The following PCDHA12 variants were observed in gnomAD, a reference collection of about 807,000 sequenced individuals.
The protein encoded by PCDHA12 is protocadherin alpha-12.
In PCDHA12, 44 loss-of-function variants were observed where a neutral mutation model predicts 60.0. The observed-to-expected ratio is 0.73, with a 90% CI of 0.58 to 0.94. The LOEUF (loss-of-function observed/expected upper bound fraction) is 0.94. Ranked by LOEUF, PCDHA12 falls within the 40% of genes least tolerant of loss-of-function variation. PCDHA12 has a pLI of 0.00. For missense variants in PCDHA12, 1,276 were observed against 1,239.7 expected, an observed-to-expected ratio of 1.03 and a Z score of -0.44; for synonymous variants, 569 against 553.0, an observed-to-expected ratio of 1.03 and a Z score of -0.40.
chr5:140,988,900 G>A (rs2097319351), intron 3 of PCDHA12: 1 of 152,194 alleles, frequency 6.6e-6, no homozygotes, highest in Admixed American at 6.5e-5. Context: ...ACATTTTAGA[G>A]GGTGTAGTGA....
At chr5:140,883,897 G>A in intron 1 of PCDHA12, 1 of 1,613,332 alleles carries the variant, frequency 6.2e-7, no homozygotes, top group Non-Finnish European at 8.5e-7. Flanking sequence ...CTGGCGTGCC[G>A]CCTCTGGGCA....
intron 1 of PCDHA12, among the ~76,000 whole-genome samples, chr5:140,896,760 T>C (rs562641955): frequency 1.3e-5 from 2 of 152,340 alleles, no homozygotes; most frequent in East Asian, 3.9e-4. Flanking sequence ...ATTAGACCTT[T>C]GTTGGATGCA....
At chr5:141,000,412 TATA>T (rs2097919742) in intron 3 of PCDHA12, among the ~76,000 whole-genome samples, 3 of 102,806 alleles carry the variant, frequency 2.9e-5, no homozygotes, top group African/African-American at 7.7e-5. Flanking sequence ...TATATATATA[TATA>T]TATATATTTT....
At chr5:140,982,688 ATACATACATGATTTCCT>A in intron 3 of PCDHA12, 125 bp downstream of exon 3, 1 of 1,415,764 alleles carries the variant, frequency 7.1e-7, no homozygotes, top group African/African-American at 1.4e-5. Flanking sequence ...CCTTTTTTCC[ATACATACATGATTTCCT>A]TACATATATG....
chr5:141,000,737 G>A (rs1449947824), intron 3 of PCDHA12, among the ~76,000 whole-genome samples: 21 of 149,738 alleles, frequency 1.4e-4, no homozygotes, highest in African/African-American at 5.0e-4. Context: ...CCCTATCTCT[G>A]TATATTAAAA....
intron 1 of PCDHA12, chr5:140,928,289 G>C (rs1554205708): frequency 6.2e-7 from 1 of 1,614,170 alleles, no homozygotes; most frequent in Non-Finnish European, 8.5e-7. Flanking sequence ...TCTCTAGGCC[G>C]AGTGTTTGCC....
chr5:141,007,395 C>CAAAAAAAAAAAAAAAAAAAAAAAAAAA (rs35800918), intron 3 of PCDHA12, among the ~76,000 whole-genome samples: 1 of 94,866 alleles, frequency 1.1e-5, no homozygotes, highest in Non-Finnish European at 2.1e-5. Context: ...TACTAAAATA[C>CAAAAAAAAAAAAAAAAAAAAAAAAAAA]AAAAAAAAAA....
intron 3 of PCDHA12, among the ~76,000 whole-genome samples, chr5:140,997,288 T>C (rs1554255825): frequency 1.3e-5 from 2 of 152,222 alleles, no homozygotes; most frequent in African/African-American, 4.8e-5. Context: ...CACTTAACAA[T>C]GGGGATACAC....
chr5:140,990,694 C>T (rs549554926), intron 3 of PCDHA12, among the ~76,000 whole-genome samples: 10 of 152,108 alleles, frequency 6.6e-5, no homozygotes, highest in Non-Finnish European at 1.5e-4. Context: ...TCGGAGAGTC[C>T]AGATTTATGG....
chr5:140,943,605 CTT>C (rs1232110768), intron 1 of PCDHA12, among the ~76,000 whole-genome samples: 5 of 152,064 alleles, frequency 3.3e-5, no homozygotes, highest in African/African-American at 1.2e-4. Context: ...TAAATATAGA[CTT>C]TGATTCATCT....
At chr5:140,965,951 T>C (rs1484541931) in intron 1 of PCDHA12, among the ~76,000 whole-genome samples, 3 of 152,172 alleles carry the variant, frequency 2.0e-5, no homozygotes, top group East Asian at 1.9e-4. Flanking sequence ...GCATTTGCCA[T>C]CCCCCTCCTT....
At chr5:140,905,627 G>A (rs1233983487) in intron 1 of PCDHA12, among the ~76,000 whole-genome samples, 1 of 152,150 alleles carries the variant, frequency 6.6e-6, no homozygotes, top group African/African-American at 2.4e-5. Context: ...GCTTTTGACA[G>A]TATGGTCAGT....
chr5:140,890,836 C>A (rs1189670490), intron 1 of PCDHA12, among the ~76,000 whole-genome samples: 1 of 151,884 alleles, frequency 6.6e-6, no homozygotes, highest in Admixed American at 6.6e-5. Flanking sequence ...ACATATTTAC[C>A]AGTTTTGTTT....
At chr5:140,940,717 G>T (rs1554213570) in intron 1 of PCDHA12, among the ~76,000 whole-genome samples, 1 of 152,130 alleles carries the variant, frequency 6.6e-6, no homozygotes, top group African/African-American at 2.4e-5. Flanking sequence ...GCTGTGTGCT[G>T]TTTCAGCTGG....
chr5:140,966,545 G>T (rs1554228431), intron 1 of PCDHA12: 1 of 465,862 alleles, frequency 2.1e-6, no homozygotes, highest in East Asian at 3.5e-5. Context: ...CGACTCGGAG[G>T]CGAGCGGAGG....
At chr5:140,890,923 C>T (rs535912661) in intron 1 of PCDHA12, among the ~76,000 whole-genome samples, 1 of 152,202 alleles carries the variant, frequency 6.6e-6, no homozygotes, top group East Asian at 1.9e-4. Context: ...TTGAGAGTTT[C>T]CTTTAGTCCA....
intron 3 of PCDHA12, chr5:140,988,920 AACAAC>A (rs1245893791): frequency 6.6e-6 from 1 of 152,174 alleles, no homozygotes; most frequent in Non-Finnish European, 1.5e-5. Context: ...AGGAGAATAG[AACAAC>A]ACTGTTCTCT....
intron 1 of PCDHA12, among the ~76,000 whole-genome samples, chr5:140,889,879 T>G (rs2062416989): frequency 6.6e-6 from 1 of 152,162 alleles, no homozygotes; most frequent in South Asian, 2.1e-4. Flanking sequence ...CCTGCCACCA[T>G]GTAAGAATTC....
chr5:140,954,441 G>A (rs1411694581), intron 1 of PCDHA12, among the ~76,000 whole-genome samples: 2 of 151,498 alleles, frequency 1.3e-5, no homozygotes, highest in Non-Finnish European at 3.0e-5. Flanking sequence ...TGTTGTTTCT[G>A]GACTTGTTAA....
Sources: allele counts gnomAD v4.1 joint callset (sites outside exome capture counted in the v4.1 genomes callset), GRCh38; gene constraint gnomAD v4.1.1; transcripts MANE v1.5; gene names NCBI Gene and HGNC (gene_info 2026-07-23, HGNC 2026-07-21).